Variants in NLRP6 observed in about 807,000 individuals in gnomAD.
NLRP6 encodes NACHT, LRR and PYD domains-containing protein 6.
Under a neutral mutation model 70.9 loss-of-function variants are expected in NLRP6, and 55 were observed. That is an observed-to-expected ratio of 0.78 (90% CI 0.62 to 0.97). The LOEUF is 0.97. Among genes scored for constraint, NLRP6 ranks in the 50% least tolerant of loss-of-function variants. The pLI is 0.00. For synonymous variants in NLRP6, 652 were observed against 581.9 expected (o/e 1.12, Z -1.73); for missense variants, 1,241 against 1,238.3 (o/e 1.00, Z -0.03).
chr11:283,173 T>C lies in NLRP6; in HGVS notation c.2198+376T>C, dbSNP rs190608157. On this transcript the variant is annotated intron_variant, in intron 5 of 7. Coordinates refer to ENST00000534750, the MANE Select transcript of NLRP6 (RefSeq NM_001276700.2). The stretch of plus-strand genomic sequence containing the variant: ...TCAAGCGCAGGCTCCAAGGTCAGGC[T>C]GTCTGCAAATGCTAGCCGGCTTCTG... Among the ~76,000 whole-genome samples, 7 of 152,298 alleles carry C rather than the reference T, an allele frequency of 4.6e-5. No homozygotes were observed. In the East Asian group the frequency reaches 1.2e-3, roughly 25 times the overall value.
Position 280,205 on chromosome 11 carries a change from C to A in NLRP6, c.471C>A (p.Ala157=). 6.5e-7 allele frequency: 1 copy of A among 1,546,800 alleles called. No individual in the cohort carries two copies. Among genetic ancestry groups the A allele is most frequent in the South Asian group, 1.2e-5 (1 of 83,960 alleles). ...AGCTGCTCATCGCGCCCGAGAGCGC[C>A]GCCCCGGAGGAGGCGATGGGGCCCG... The part of the protein sequence containing the change: ...FTKLLIAPES[A]APEEAMGPAE... The change falls in exon 4 of 8, where the codon GCC becomes GCA. Residue 157 remains alanine (A), a synonymous_variant. Coordinates refer to ENST00000534750, the MANE Select transcript of NLRP6 (RefSeq NM_001276700.2).
At position 284,255 on chromosome 11, in the gene NLRP6, G is replaced by A. The variant is rs142922223; in HGVS notation, c.2224G>A (p.Ala742Thr). 223 of 1,613,100 alleles carry A rather than the reference G, an allele frequency of 1.4e-4. No individual in the cohort carries two copies. Among genetic ancestry groups the A allele is most frequent in the Non-Finnish European group, 1.7e-4 (198 of 1,180,004 alleles). The stretch of plus-strand genomic sequence containing the variant: ...GCTGTCCCACTGCAAACTCCCTGAC[G>A]CGGTCTGCCGAGACCTTTCTGAGGC... ...LTLSHCKLPD[A>T]VCRDLSEALR... The change falls in exon 6 of 8, where the codon GCG becomes ACG. Residue 742 changes from alanine to threonine, a missense_variant. Physicochemically the swap from Ala to Thr is moderately conservative, Grantham distance 58. Transcript: ENST00000534750.
chr11:284,682 G>A (rs761962687), intron 7 of NLRP6, 40 bp downstream of exon 7: 1 of 1,557,174 alleles, frequency 6.4e-7, no homozygotes, highest in Non-Finnish European at 8.7e-7. Flanking sequence ...GACACAGCCT[G>A]TCAACCCGGG....
In NLRP6 at chr11:282,690, T is replaced by C. The variant is rs1456922108; in HGVS notation, c.2106-15T>C. 1 of 1,606,452 alleles carries C rather than the reference T, an allele frequency of 6.2e-7. No homozygotes were observed. The highest frequency in any genetic ancestry group is 1.1e-5 in the South Asian group (1 of 90,934). On this transcript the variant is annotated splice_polypyrimidine_tract_variant and intron_variant, in intron 4 of 7. Coordinates refer to ENST00000534750, the MANE Select transcript of NLRP6 (RefSeq NM_001276700.2). ...AGGAGCAGGGTGGGCTTCACCTTCC[T>C]CTCTCTCCCAGCAGTTCTCAAGGCA...
intron 1 of NLRP6, chr11:279,062 G>A (rs1845427533): frequency 2.7e-6 from 1 of 375,458 alleles, no homozygotes; most frequent in Middle Eastern, 6.9e-4. Flanking sequence ...GCCCCCCAGA[G>A]CTCAGATCAG....
At chr11:284,767 G>C (rs992453780) in intron 7 of NLRP6, 125 bp downstream of exon 7, 2 of 906,206 alleles carry the variant, frequency 2.2e-6, no homozygotes, top group African/African-American at 3.3e-5. Flanking sequence ...ATGTGACTGA[G>C]CTCAAACACT....
intron 3 of NLRP6, 83 bp downstream of exon 3, chr11:279,955 G>C: frequency 2.1e-6 from 3 of 1,427,370 alleles, no homozygotes; most frequent in Non-Finnish European, 2.8e-6. Context: ...AGGGCCGCCA[G>C]GGGCGTGGGC....
chr11:279,278 G>A lies in NLRP6; in HGVS notation c.30-49G>A, dbSNP rs112940650. On this transcript the variant is annotated intron_variant, in intron 1 of 7. Coordinates refer to ENST00000534750, the MANE Select transcript of NLRP6 (RefSeq NM_001276700.2). ...CGGCGCCAGAGTCGGGGGCGGGCGG[G>A]GGTCACCCGAGGGCCGCTCCCCGAT... The A allele has an allele frequency of 0.019, 23,592 of 1,232,404 alleles. 2,830 individuals carry two copies. The African/African-American group carries it at 0.29, about 15-fold the overall frequency. 76.3% of individuals were successfully genotyped at this position (1,232,404 alleles called of 1,614,324 possible). A position where few individuals can be genotyped will look rare whatever the true frequency, so the allele number is the denominator to read the frequency against.
At position 279,352 on chromosome 11, in the gene NLRP6, C is replaced by A; in HGVS notation, c.55C>A (p.Arg19Ser). 1.5e-6 allele frequency: 2 copies of A among 1,294,696 alleles called. No individual in the cohort carries two copies. Among genetic ancestry groups the A allele is most frequent in the Non-Finnish European group, 2.0e-6 (2 of 1,020,950 alleles). 80.2% of individuals were successfully genotyped at this position (1,294,696 alleles called of 1,614,324 possible). The change falls in exon 2 of 8, where the codon CGC becomes AGC. Residue 19 changes from arginine to serine, a missense_variant. Transcript: ENST00000534750. The stretch of plus-strand genomic sequence containing the variant: ...CACGGGGCCGCGCCTCGCGGTGGCC[C>A]GCGAGCTGCTCCTGGCTGCGCTGGA... The part of the protein sequence containing the change: ...SSTGPRLAVA[R>S]ELLLAALEEL...
At position 285,229 on chromosome 11, in the gene NLRP6, G is replaced by A. The variant is rs753071965; in HGVS notation, c.2601G>A (p.Lys867=). ...LQELQAVKRA[K]PDLVITHPAL... is the part of the protein sequence containing the mutation. ...AGCTTCAGGCTGTGAAGAGAGCAAA[G>A]CCGGATCTGGTCATCACACACCCAG... is the stretch of plus-strand genomic sequence containing the variant. The change falls in exon 8 of 8, where the codon AAG becomes AAA. Residue 867 remains lysine (K), a synonymous_variant. Coordinates refer to ENST00000534750, the MANE Select transcript of NLRP6 (RefSeq NM_001276700.2). 1 of 1,604,014 alleles carries A rather than the reference G, an allele frequency of 6.2e-7. No homozygotes were observed. Among genetic ancestry groups the A allele is most frequent in the South Asian group, 1.1e-5 (1 of 89,282 alleles).
In NLRP6 at chr11:280,141, GGA is replaced by G; in HGVS notation, c.408_409del (p.Asn137ArgfsTer33). 1 of 1,549,686 alleles carries G rather than the reference GGA, an allele frequency of 6.5e-7. No individual in the cohort carries two copies. ...CAGCTGCACGCTCGGGTGAAGGAGA[GGA>G]ACGCCCGCTCCGTGAAGATCACCAA... On this transcript the variant is annotated frameshift_variant, in exon 4 of 8. Coordinates refer to ENST00000534750, the MANE Select transcript of NLRP6 (RefSeq NM_001276700.2). LOFTEE classifies it high-confidence loss of function.
Position 281,558 on chromosome 11 carries a change from G to A in NLRP6, c.1824G>A (p.Glu608=), listed in dbSNP as rs750257163. ...TCGAGGACACCGAAGAGCCAGAGGA[G>A]GAGGAGGAGGGAGAGGAGCCCAACT... ...KGLEDTEEPE[E]EEEGEEPNYP... is the part of the protein sequence containing the mutation. The change falls in exon 4 of 8, where the codon GAG becomes GAA. Residue 608 remains glutamate (E), a synonymous_variant. Transcript: ENST00000534750. The A allele has an allele frequency of 1.3e-5, 21 of 1,611,204 alleles. No individual in the cohort carries two copies. Among genetic ancestry groups the A allele is most frequent in the Admixed American group, 1.2e-4 (7 of 59,870 alleles).
intron 4 of NLRP6, 51 bp downstream of exon 4, chr11:281,890 G>C (rs1252315947): frequency 1.4e-6 from 2 of 1,471,000 alleles, no homozygotes; most frequent in East Asian, 2.3e-5. Context: ...GTGTGTGCCG[G>C]TGCAAACCTG....
intron 5 of NLRP6, 66 bp downstream of exon 5, chr11:282,863 C>T (rs1357795157): frequency 4.8e-5 from 57 of 1,175,494 alleles, no homozygotes; most frequent in Non-Finnish European, 6.0e-5. Context: ...TGGGCAGAGA[C>T]GGAAGTATGA....
In NLRP6 at chr11:281,195, C is replaced by A. The variant is rs1440650854; in HGVS notation, c.1461C>A (p.Gly487=). 2 of 1,613,224 alleles carry A rather than the reference C, an allele frequency of 1.2e-6. No homozygotes were observed. Among genetic ancestry groups the A allele is most frequent in the Non-Finnish European group, 1.7e-6 (2 of 1,179,984 alleles). ...TLFLSKKELP[G]VLETEVTYQF... ...TTCTCAGCAAAAAGGAGCTGCCGGG[C>A]GTGCTGGAGACAGAGGTCACCTACC... Residue 487 remains glycine, a synonymous_variant, in exon 4 of 8, where the codon GGC becomes GGA. Transcript: ENST00000534750.
chr11:282,125 A>G (rs1174075901), intron 4 of NLRP6, among the ~76,000 whole-genome samples: 1 of 152,100 alleles, frequency 6.6e-6, no homozygotes, highest in Non-Finnish European at 1.5e-5. Context: ...ACTTTCTGAC[A>G]ATAAGCTCTG....
chr11:283,439 G>A (rs914549099), intron 5 of NLRP6, among the ~76,000 whole-genome samples: 2 of 149,492 alleles, frequency 1.3e-5, no homozygotes, highest in African/African-American at 2.5e-5. Flanking sequence ...TCAGCCTACT[G>A]AGTAGCTGGG....
Position 279,581 on chromosome 11 carries a change from C to A in NLRP6, c.284C>A (p.Ala95Glu), listed in dbSNP as rs1845436782. Residue 95 changes from alanine to glutamate, a missense_variant, in exon 2 of 8, where the codon GCG becomes GAG. Coordinates refer to ENST00000534750, the MANE Select transcript of NLRP6 (RefSeq NM_001276700.2). ...AGGGCGGACGCGCGCGACGTGGCGG[C>A]GCAGCTCCAGGAGCGGCGGCTGCAG... ...LKRADARDVAAQLQERRLQRL... is the reference protein window; with the variant it reads ...LKRADARDVAEQLQERRLQRL... 2.8e-6 allele frequency: 4 copies of A among 1,415,064 alleles called. No individual in the cohort carries two copies. Among genetic ancestry groups the A allele is most frequent in the African/African-American group, 3.0e-5 (2 of 66,110 alleles). 87.7% of individuals were successfully genotyped at this position (1,415,064 alleles called of 1,614,324 possible).
At position 281,674 on chromosome 11, in the gene NLRP6, A is replaced by C; in HGVS notation, c.1940A>C (p.Gln647Pro). ...ALCRFPELALQRVRFCRMDVA... is the reference protein window; with the variant it reads ...ALCRFPELALPRVRFCRMDVA... ...TGCCGGTTCCCGGAGCTGGCGCTGC[A>C]GCGAGTGCGCTTCTGCCGCATGGAC... The change falls in exon 4 of 8, where the codon CAG becomes CCG. Residue 647 changes from glutamine (Q) to proline (P), a missense_variant. Coordinates refer to ENST00000534750, the MANE Select transcript of NLRP6 (RefSeq NM_001276700.2). 2 of 1,613,442 alleles carry C rather than the reference A, an allele frequency of 1.2e-6. No individual in the cohort carries two copies. The highest frequency in any genetic ancestry group is 1.7e-6 in the Non-Finnish European group (2 of 1,180,022).
Sources: gnomAD v4.1 joint callset for allele counts (sites outside exome capture counted in the v4.1 genomes callset) on GRCh38, gnomAD v4.1.1 for gene constraint, MANE v1.5 for transcripts, NCBI Gene and HGNC (gene_info 2026-07-23, HGNC 2026-07-21) for gene names.